Variants in SND1 observed in about 807,000 individuals in gnomAD.
SND1 encodes the protein staphylococcal nuclease domain-containing protein 1.
Under a neutral mutation model 121.7 loss-of-function variants are expected in SND1, and 38 were observed. The observed-to-expected ratio is 0.31, with a 90% CI of 0.24 to 0.41. SND1 has a LOEUF of 0.41. Among genes scored for constraint, SND1 ranks in the 10% least tolerant of loss-of-function variants. SND1 has a pLI of 1.00. For missense variants in SND1, 868 were observed against 1,184.6 expected (o/e 0.73, Z 3.92); for synonymous variants, 401 against 447.4 (o/e 0.90, Z 1.31).
chr7:127,883,490 G>A (rs1278693616), intron 12 of SND1, among the ~76,000 whole-genome samples: 1 of 152,090 alleles, frequency 6.6e-6, no homozygotes, highest in Non-Finnish European at 1.5e-5. Context: ...TAGAAAAGTT[G>A]CACATAACTG....
At chr7:127,775,940 T>C (rs1245654776) in intron 10 of SND1, among the ~76,000 whole-genome samples, 1 of 152,174 alleles carries the variant, frequency 6.6e-6, no homozygotes, top group Non-Finnish European at 1.5e-5. Flanking sequence ...TATTTATAAA[T>C]TAACAAAGGA....
In SND1 at chr7:128,078,473, A is replaced by T. The variant is rs1109575; in HGVS notation, c.1969-2887A>T. Among the ~76,000 whole-genome samples, 867 of 152,346 alleles carry T rather than the reference A, an allele frequency of 5.7e-3. 9 individuals are homozygous for T. The highest frequency in any genetic ancestry group is 0.02 in the African/African-American group (827 of 41,584). ...CTTGCTTCTGCTGTCTTCTCAATTC[A>T]GGTGGCAGTGTGCACCACCCCACCC... On this transcript the variant is annotated intron_variant, in intron 17 of 23. Transcript: ENST00000354725.
intron 14 of SND1, among the ~76,000 whole-genome samples, chr7:127,922,954 A>G (rs1800749899): frequency 6.6e-6 from 1 of 152,176 alleles, no homozygotes. Flanking sequence ...AACCAAGTAA[A>G]CAGTGTGAGA....
chr7:127,707,691 A>G, intron 9 of SND1, 44 bp downstream of exon 9: 4 of 1,490,856 alleles, frequency 2.7e-6, no homozygotes, highest in Non-Finnish European at 3.7e-6. Flanking sequence ...GGACATTGCC[A>G]GGCGAGTAAT....
At chr7:127,904,906 T>G (rs1421889279) in intron 14 of SND1, 87 bp downstream of exon 14, 1 of 866,188 alleles carries the variant, frequency 1.2e-6, no homozygotes, top group East Asian at 2.4e-5. Flanking sequence ...GCTTATGTAT[T>G]TTCTCTAGCT....
intron 1 of SND1, among the ~76,000 whole-genome samples, chr7:127,675,438 T>C (rs1030700518): frequency 2.6e-5 from 4 of 152,192 alleles, no homozygotes; most frequent in African/African-American, 9.7e-5. Flanking sequence ...CTCTGACCTG[T>C]TAGTATCGTT....
intron 15 of SND1, among the ~76,000 whole-genome samples, chr7:127,935,091 CA>C (rs1358831295): frequency 3.9e-5 from 6 of 152,208 alleles, no homozygotes; most frequent in African/African-American, 1.4e-4. Context: ...ACTAGTAAGT[CA>C]CAGGTAACCT....
At chr7:127,980,964 G>A (rs1274308781) in intron 15 of SND1, among the ~76,000 whole-genome samples, 1 of 152,132 alleles carries the variant, frequency 6.6e-6, no homozygotes, top group Non-Finnish European at 1.5e-5. Flanking sequence ...AAATCAAAAG[G>A]GAGGAAAATA....
intron 1 of SND1, among the ~76,000 whole-genome samples, chr7:127,671,494 GTTTA>G (rs1795517241): frequency 6.6e-6 from 1 of 152,124 alleles, no homozygotes; most frequent in Admixed American, 6.6e-5. Context: ...CACGCTCCTG[GTTTA>G]TTTGTTTGTT....
Position 127,652,271 on chromosome 7 carries a change from C to G in SND1, c.-103C>G, listed in dbSNP as rs936159597. 1.3e-4 allele frequency: 122 copies of G among 975,670 alleles called. No individual in the cohort carries two copies. The highest frequency in any genetic ancestry group is 1.8e-4 in the Non-Finnish European group (111 of 622,526). The allele number at this position is 975,670 out of a possible 1,614,324, so 60.4% of individuals were successfully genotyped here. ...CCCGTCCACCGTCCGCAGCTGGTAG[C>G]CAGCCTGCCCCTCGCCTCGACTCCC... On this transcript the variant is annotated 5_prime_UTR_variant, in exon 1 of 24. Transcript: ENST00000354725.
intron 17 of SND1, 142 bp from the exon 18 acceptor site, chr7:128,081,218 G>C (rs1333572345): frequency 4.2e-6 from 4 of 944,356 alleles, no homozygotes; most frequent in Non-Finnish European, 6.3e-6. Flanking sequence ...GTCTGGTCTT[G>C]AACTCCTAAC....
intron 1 of SND1, among the ~76,000 whole-genome samples, chr7:127,684,748 G>C (rs1000558263): frequency 6.6e-6 from 1 of 152,298 alleles, no homozygotes; most frequent in Non-Finnish European, 1.5e-5. Flanking sequence ...AAGCGTGCCT[G>C]TAACTGGATT....
intron 12 of SND1, chr7:127,858,206 T>A (rs1044018057): frequency 2.6e-6 from 2 of 782,064 alleles, no homozygotes; most frequent in Non-Finnish European, 4.6e-6. Flanking sequence ...GGCCAACTGT[T>A]CCCTCGTTTC....
intron 15 of SND1, among the ~76,000 whole-genome samples, chr7:127,951,001 G>C (rs1343186323): frequency 6.6e-6 from 1 of 152,154 alleles, no homozygotes; most frequent in African/African-American, 2.4e-5. Context: ...ATGGAAAGTA[G>C]TATGGAGATT....
rs1795134127 is a variant in SND1, at chr7:127,652,285, G to T, written c.-89G>T. 3.5e-6 allele frequency: 4 copies of T among 1,129,704 alleles called. No homozygotes were observed. Among genetic ancestry groups the T allele is most frequent in the South Asian group, 2.6e-5 (2 of 75,554 alleles). The allele number at this position is 1,129,704 out of a possible 1,614,324, so 70.0% of individuals were successfully genotyped here. A position where few individuals can be genotyped will look rare whatever the true frequency, so the allele number is the denominator to read the frequency against. ...GCAGCTGGTAGCCAGCCTGCCCCTC[G>T]CCTCGACTCCCTTTCACCAACACCG... On this transcript the variant is annotated 5_prime_UTR_variant, in exon 1 of 24. Coordinates refer to ENST00000354725, the MANE Select transcript of SND1 (RefSeq NM_014390.4).
chr7:127,746,425 G>C (rs1313341855), intron 10 of SND1, among the ~76,000 whole-genome samples: 1 of 152,060 alleles, frequency 6.6e-6, no homozygotes, highest in East Asian at 1.9e-4. Flanking sequence ...CATAACAACT[G>C]TTGTTGAGCC....
intron 14 of SND1, among the ~76,000 whole-genome samples, chr7:127,922,957 G>C (rs1368652678): frequency 6.6e-6 from 1 of 152,178 alleles, no homozygotes; most frequent in Non-Finnish European, 1.5e-5. Flanking sequence ...CAAGTAAACA[G>C]TGTGAGAATC....
intron 16 of SND1, among the ~76,000 whole-genome samples, chr7:128,018,996 G>T (rs1326761702): frequency 6.6e-6 from 1 of 152,108 alleles, no homozygotes; most frequent in Non-Finnish European, 1.5e-5. Context: ...TACTTCCCAT[G>T]AACTTATTAC....
At chr7:127,685,293 T>C (rs985271685) in intron 1 of SND1, among the ~76,000 whole-genome samples, 1 of 152,222 alleles carries the variant, frequency 6.6e-6, no homozygotes, top group African/African-American at 2.4e-5. Context: ...CCTTTTTCTC[T>C]TCCTTTGATT....
Sources: gnomAD v4.1 joint callset for allele counts (sites outside exome capture counted in the v4.1 genomes callset) on GRCh38, gnomAD v4.1.1 for gene constraint, MANE v1.5 for transcripts, NCBI Gene and HGNC (gene_info 2026-07-23, HGNC 2026-07-21) for gene names.